NAA16: variants seen among roughly 807,000 people sequenced by gnomAD.
NAA16 encodes the protein N-alpha-acetyltransferase 16, NatA auxiliary subunit.
A neutral mutation model predicts 110.3 loss-of-function variants in NAA16; 97 were observed. The ratio of observed to expected loss-of-function variants is 0.88; its 90% CI spans 0.75 to 1.04. The LOEUF is 1.04. NAA16 is among the 50% of genes least tolerant of loss of function. NAA16 has a pLI of 0.00. For synonymous variants in NAA16, 372 were observed against 330.6 expected, an observed-to-expected ratio of 1.13 and a Z score of -1.36; for missense variants, 1,017 against 1,005.1, an observed-to-expected ratio of 1.01 and a Z score of -0.16.
chr13:41,328,726 GA>G lies in NAA16; in HGVS notation c.697del (p.Ile233TyrfsTer3). 6.2e-7 allele frequency: 1 copy of G among 1,604,268 alleles called. No homozygotes were observed. The highest frequency in any genetic ancestry group is 8.5e-7 in the Non-Finnish European group (1 of 1,173,410). On this transcript the variant is annotated frameshift_variant, in exon 7 of 20. Transcript: ENST00000379406. LOFTEE classifies it high-confidence loss of function. The stretch of plus-strand genomic sequence containing the variant: ...TATGTCTTTAAACTTAATTTCAGGG[GA>G]AATACTGTTGAAATTGGGAAGATTA... ...DKLLVEEIKG[E>X]ILLKLGRLKE...
intron 6 of NAA16, chr13:41,327,936 A>G (rs1367782475): frequency 6.6e-6 from 1 of 152,084 alleles, no homozygotes; most frequent in East Asian, 1.9e-4. Context: ...CTGCTATAAT[A>G]TACTGCCTCC....
chr13:41,317,721 C>T (rs1593406646), intron 2 of NAA16, among the ~76,000 whole-genome samples: 1 of 152,156 alleles, frequency 6.6e-6, no homozygotes, highest in East Asian at 1.9e-4. Flanking sequence ...GAAGCTTTAT[C>T]CAAATGGTGC....
rs144221838 is a variant in NAA16, at chr13:41,331,506, T to C, written c.907+137T>C. 9.1e-4 allele frequency: 486 copies of C among 534,522 alleles called. 1 individual carries two copies. Among genetic ancestry groups the C allele is most frequent in the Admixed American group, 2.0e-3 (59 of 29,852 alleles). The allele number at this position is 534,522 out of a possible 1,614,324, so 33.1% of individuals were successfully genotyped here. The stretch of plus-strand genomic sequence containing the variant: ...AGTTGGGAGTGAACAGTTATGAGTT[T>C]ATATGTTAAGAGTGTGATACTTCAA... On this transcript the variant is annotated intron_variant, in intron 8 of 19. Transcript: ENST00000379406.
At chr13:41,327,767 G>A (rs1411855373) in intron 6 of NAA16, 2 of 141,124 alleles carry the variant, frequency 1.4e-5, no homozygotes, top group East Asian at 3.8e-4. Flanking sequence ...ACATTTATAT[G>A]TATTCATTTT....
chr13:41,350,045 A>G (rs12861847), intron 9 of NAA16, among the ~76,000 whole-genome samples: 2 of 150,956 alleles, frequency 1.3e-5, no homozygotes, highest in African/African-American at 4.9e-5. Context: ...GCACTTTGGG[A>G]GTCCAAGGCA....
intron 10 of NAA16, 36 bp downstream of exon 10, chr13:41,355,252 C>T (rs369322715): frequency 1.6e-6 from 2 of 1,274,140 alleles, no homozygotes; most frequent in Non-Finnish European, 2.2e-6. Flanking sequence ...AATTTGATTA[C>T]TCATTTCATT....
chr13:41,326,709 A>AC (rs2042101703), intron 6 of NAA16, among the ~76,000 whole-genome samples: 2 of 151,884 alleles, frequency 1.3e-5, no homozygotes, highest in South Asian at 4.1e-4. Flanking sequence ...CAGAGCCCTT[A>AC]CTTTTTTCTA....
intron 16 of NAA16, 164 bp from the exon 17 acceptor site, chr13:41,372,568 G>T: frequency 2.0e-6 from 2 of 985,278 alleles, no homozygotes; most frequent in Non-Finnish European, 2.4e-6. Context: ...CTTTTCTTTA[G>T]AAAGCCATAG....
At chr13:41,321,256 T>C (rs1159222223) in intron 4 of NAA16, among the ~76,000 whole-genome samples, 1 of 152,076 alleles carries the variant, frequency 6.6e-6, no homozygotes, top group Non-Finnish European at 1.5e-5. Context: ...ATGATTATGC[T>C]ACTGCACTCC....
At chr13:41,337,676 GT>G (rs147912141) in intron 9 of NAA16, among the ~76,000 whole-genome samples, 13,295 of 151,950 alleles carry the variant, frequency 0.087, 1,913 homozygotes, top group African/African-American at 0.3. Context: ...CTAAAATCTT[GT>G]TGTCTTTTCT....
intron 9 of NAA16, among the ~76,000 whole-genome samples, chr13:41,341,601 C>T (rs2042548286): frequency 6.6e-6 from 1 of 152,108 alleles, no homozygotes; most frequent in Admixed American, 6.5e-5. Flanking sequence ...CCTGCACTCC[C>T]AGCTACTTGG....
intron 9 of NAA16, among the ~76,000 whole-genome samples, chr13:41,345,132 A>G (rs562848165): frequency 3.3e-5 from 5 of 152,350 alleles, no homozygotes; most frequent in Non-Finnish European, 5.9e-5. Context: ...GGTTATTTTG[A>G]ATAATGCTGC....
At chr13:41,341,022 AGTTT>A (rs1344921366) in intron 9 of NAA16, among the ~76,000 whole-genome samples, 2 of 152,108 alleles carry the variant, frequency 1.3e-5, no homozygotes, top group Non-Finnish European at 2.9e-5. Context: ...TCTGAGAGAC[AGTTT>A]GTTGTGATAT....
intron 12 of NAA16, among the ~76,000 whole-genome samples, chr13:41,360,404 A>G (rs1323227555): frequency 2.0e-5 from 3 of 152,192 alleles, no homozygotes; most frequent in Non-Finnish European, 4.4e-5. Context: ...GATAAGCGAT[A>G]CTAAATCTAT....
intron 8 of NAA16, among the ~76,000 whole-genome samples, chr13:41,334,746 G>A (rs536062727): frequency 4.6e-5 from 7 of 152,282 alleles, no homozygotes; most frequent in Non-Finnish European, 7.4e-5. Context: ...TGCAAATTAG[G>A]TAAAAAGAGT....
At chr13:41,358,162 T>G in intron 10 of NAA16, 142 bp from the exon 11 acceptor site, 1 of 719,258 alleles carries the variant, frequency 1.4e-6, no homozygotes, top group South Asian at 2.2e-5. Context: ...TCATACCTCT[T>G]TCTTTTGAAA....
intron 4 of NAA16, among the ~76,000 whole-genome samples, chr13:41,322,205 G>T (rs1368140406): frequency 6.6e-6 from 1 of 151,674 alleles, no homozygotes; most frequent in African/African-American, 2.4e-5. Context: ...AACATAGGGA[G>T]ACTCTGTCTC....
intron 8 of NAA16, among the ~76,000 whole-genome samples, chr13:41,333,409 A>G (rs2042292817): frequency 6.6e-6 from 1 of 152,020 alleles, no homozygotes; most frequent in African/African-American, 2.4e-5. Context: ...GAAACCCCAT[A>G]CCTATTTCAC....
At chr13:41,362,764 G>C (rs1264011741) in intron 13 of NAA16, 3 of 1,289,776 alleles carry the variant, frequency 2.3e-6, no homozygotes, top group East Asian at 1.1e-4. Context: ...AGGAGGAAAA[G>C]AGCCGCAAAT....
Sources: allele counts gnomAD v4.1 joint callset (sites outside exome capture counted in the v4.1 genomes callset), GRCh38; gene constraint gnomAD v4.1.1; transcripts MANE v1.5; gene names NCBI Gene and HGNC (gene_info 2026-07-23, HGNC 2026-07-21).